Variants in SPATA7 observed in about 807,000 individuals in gnomAD.
SPATA7 encodes spermatogenesis associated 7.
A neutral mutation model predicts 51.8 loss-of-function variants in SPATA7; 43 were observed. The ratio of observed to expected loss-of-function variants is 0.83; its 90% CI spans 0.65 to 1.07. The LOEUF is 1.07. Among genes scored for constraint, SPATA7 ranks in the 50% least tolerant of loss-of-function variants. SPATA7 has a pLI of 0.00. For synonymous variants in SPATA7, 230 were observed against 252.8 expected (o/e 0.91, Z 0.86); for missense variants, 683 against 701.3 (o/e 0.97, Z 0.30).
intron 3 of SPATA7, among the ~76,000 whole-genome samples, chr14:88,445,059 T>A (rs2140040657): frequency 6.6e-6 from 1 of 152,180 alleles, no homozygotes; most frequent in African/African-American, 2.4e-5. Flanking sequence ...GCATTGAATC[T>A]GTAAATTACC....
intron 1 of SPATA7, among the ~76,000 whole-genome samples, chr14:88,388,477 T>C (rs1178654499): frequency 6.6e-6 from 1 of 152,230 alleles, no homozygotes; most frequent in Non-Finnish European, 1.5e-5. Context: ...GGTTTGAGGC[T>C]ACTTCTCCAT....
rs985098324 is a variant in SPATA7, at chr14:88,416,689, A to G, written c.239-22A>G. On this transcript the variant is annotated intron_variant, in intron 4 of 11. Transcript: ENST00000393545. ...ATTTTCTATTTTGTTCCATATTTTG[A>G]AAGATTTGTTTTCCCTTTTAGATGC... 3.1e-6 allele frequency: 5 copies of G among 1,611,754 alleles called. No homozygotes were observed. In the African/African-American group the frequency reaches 4.0e-5, roughly 13 times the overall value.
At chr14:88,412,885 G>A (rs758554370) in intron 4 of SPATA7, among the ~76,000 whole-genome samples, 1 of 152,152 alleles carries the variant, frequency 6.6e-6, no homozygotes, top group Non-Finnish European at 1.5e-5. Context: ...CAAGGCCAAT[G>A]TCCAGCAGAG....
At chr14:88,454,752 G>C (rs770381411) in intron 3 of SPATA7, among the ~76,000 whole-genome samples, 7 of 152,054 alleles carry the variant, frequency 4.6e-5, no homozygotes, top group African/African-American at 1.7e-4. Flanking sequence ...AAGCTGCAGT[G>C]AGTTGTGATC....
chr14:88,449,150 G>A (rs999622657), intron 3 of SPATA7, among the ~76,000 whole-genome samples: 2 of 152,030 alleles, frequency 1.3e-5, no homozygotes, highest in African/African-American at 2.4e-5. Flanking sequence ...CTTGAGGTGT[G>A]ACCTTAGATT....
chr14:88,399,687 T>G (rs1440408133), intron 4 of SPATA7, among the ~76,000 whole-genome samples: 2 of 152,194 alleles, frequency 1.3e-5, no homozygotes, highest in Non-Finnish European at 2.9e-5. Context: ...TTAAGTTGGT[T>G]GGGATTACAG....
intron 5 of SPATA7, among the ~76,000 whole-genome samples, chr14:88,425,538 A>G (rs948933627): frequency 6.6e-6 from 1 of 152,118 alleles, no homozygotes; most frequent in Non-Finnish European, 1.5e-5. Context: ...AGTTTATAAA[A>G]CAATAAAATA....
At chr14:88,470,053 G>C in exon 5 of SPATA7, 2 of 1,612,034 alleles carry the variant, frequency 1.2e-6, no homozygotes, top group Non-Finnish European at 1.7e-6. Context: ...ACAGAGACCT[G>C]GGATTAGAAA....
chr14:88,423,416 C>T (rs1380024482), intron 5 of SPATA7, among the ~76,000 whole-genome samples: 1 of 146,366 alleles, frequency 6.8e-6, no homozygotes, highest in Non-Finnish European at 1.5e-5. Context: ...AAAAGCCAGG[C>T]ATGATGGTGT....
chr14:88,389,620 C>T (rs1355083883), intron 1 of SPATA7, among the ~76,000 whole-genome samples: 1 of 152,152 alleles, frequency 6.6e-6, no homozygotes, highest in African/African-American at 2.4e-5. Flanking sequence ...CATCAAGGAA[C>T]ATCTAAATTC....
chr14:88,393,280 T>G, intron 2 of SPATA7, 113 bp from the exon 3 acceptor site: 1 of 746,220 alleles, frequency 1.3e-6, no homozygotes, highest in Non-Finnish European at 2.2e-6. Context: ...TATCAATATC[T>G]CTGGTTGAAT....
chr14:88,393,737 T>C, intron 3 of SPATA7: 1 of 296,362 alleles, frequency 3.4e-6, no homozygotes, highest in East Asian at 6.7e-5. Context: ...TAATAATATT[T>C]TGTTAGATAT....
chr14:88,444,512 G>T (rs891139880), intron 3 of SPATA7, among the ~76,000 whole-genome samples: 6 of 151,156 alleles, frequency 4.0e-5, no homozygotes, highest in Non-Finnish European at 3.0e-5. Context: ...GTCAATTTTG[G>T]CTTTTGTTGC....
exon 5 of SPATA7, chr14:88,470,331 A>G: frequency 2.5e-6 from 1 of 406,182 alleles, no homozygotes; most frequent in Non-Finnish European, 4.5e-6. Context: ...TTTATACAAT[A>G]AAGATACTGC....
chr14:88,452,688 C>A (rs763921703), intron 3 of SPATA7, among the ~76,000 whole-genome samples: 3 of 152,146 alleles, frequency 2.0e-5, no homozygotes, highest in Non-Finnish European at 4.4e-5. Context: ...AGTCCTGCCT[C>A]CTATCTACCA....
At chr14:88,424,497 C>T (rs2076735345) in intron 5 of SPATA7, among the ~76,000 whole-genome samples, 1 of 152,156 alleles carries the variant, frequency 6.6e-6, no homozygotes, top group African/African-American at 2.4e-5. Flanking sequence ...ATAACCATTA[C>T]CGATAACATT....
chr14:88,430,923 A>G (rs2076921686), intron 8 of SPATA7, among the ~76,000 whole-genome samples: 2 of 152,172 alleles, frequency 1.3e-5, no homozygotes, highest in African/African-American at 4.8e-5. Flanking sequence ...AATTCACCAT[A>G]CTCCAAAATC....
chr14:88,427,212 C>T (rs2076817894), intron 6 of SPATA7, among the ~76,000 whole-genome samples: 1 of 152,020 alleles, frequency 6.6e-6, no homozygotes, highest in African/African-American at 2.4e-5. Flanking sequence ...TATAATTTGC[C>T]TCAATAATGT....
At chr14:88,400,305 C>T (rs1056257042) in intron 4 of SPATA7, among the ~76,000 whole-genome samples, 6 of 152,098 alleles carry the variant, frequency 3.9e-5, no homozygotes, top group Non-Finnish European at 7.4e-5. Flanking sequence ...TATACCAAAA[C>T]TTACAGAATG....
Sources: allele counts gnomAD v4.1 joint callset (sites outside exome capture counted in the v4.1 genomes callset), GRCh38; gene constraint gnomAD v4.1.1; transcripts MANE v1.5; gene names NCBI Gene and HGNC (gene_info 2026-07-23, HGNC 2026-07-21).